MCCC2: variants seen among roughly 807,000 people sequenced by gnomAD.
MCCC2 encodes the protein methylcrotonoyl-CoA carboxylase beta chain, mitochondrial.
Under a neutral mutation model 77.2 loss-of-function variants are expected in MCCC2, and 52 were observed. The observed-to-expected ratio is 0.67, with a 90% confidence interval of 0.54 to 0.85. The LOEUF is 0.85. Ranked by LOEUF, MCCC2 falls within the 40% of genes least tolerant of loss-of-function variation. MCCC2 has a pLI of 0.00. For synonymous variants in MCCC2, 253 were observed against 248.4 expected (o/e 1.02, Z -0.18); for missense variants, 682 against 703.2 (o/e 0.97, Z 0.34).
intron 15 of MCCC2, among the ~76,000 whole-genome samples, chr5:71,652,404 T>C (rs1030109009): frequency 5.3e-5 from 8 of 152,234 alleles, no homozygotes; most frequent in African/African-American, 1.9e-4. Flanking sequence ...TGTACCTTGC[T>C]GTGATACACA....
In MCCC2 at chr5:71,587,420, G is replaced by C; in HGVS notation, c.-6G>C. 1 of 1,533,718 alleles carries C rather than the reference G, an allele frequency of 6.5e-7. No homozygotes were observed. The highest frequency in any genetic ancestry group is 8.7e-7 in the Non-Finnish European group (1 of 1,145,978). ...TGGGCCGCTCTCTCGCTCGGTGCCC[G>C]CCGCCATGTGGGCCGTCCTGAGGTT... On this transcript the variant is annotated 5_prime_UTR_variant, in exon 1 of 17. Transcript: ENST00000340941.
chr5:71,637,622 AG>A (rs1746975054), intron 10 of MCCC2, among the ~76,000 whole-genome samples: 1 of 152,244 alleles, frequency 6.6e-6, no homozygotes, highest in South Asian at 2.1e-4. Flanking sequence ...ATTTCTTAAA[AG>A]AAGACAACAA....
chr5:71,621,264 T>G (rs1344307289), intron 6 of MCCC2, among the ~76,000 whole-genome samples: 1 of 151,986 alleles, frequency 6.6e-6, no homozygotes, highest in Non-Finnish European at 1.5e-5. Context: ...CTCAGCTTCT[T>G]AGGATGCTGA....
chr5:71,588,268 CAAA>C (rs11309257), intron 1 of MCCC2, among the ~76,000 whole-genome samples: 38 of 100,634 alleles, frequency 3.8e-4, no homozygotes, highest in African/African-American at 9.7e-4. Flanking sequence ...AACTCTGTCT[CAAA>C]AAAAAAAAAA....
At position 71,598,071 on chromosome 5, in the gene MCCC2, CTT is replaced by C. The variant is rs541775693; in HGVS notation, c.282-1569_282-1568del. Among the ~76,000 whole-genome samples, 713 of 129,470 alleles carry C rather than the reference CTT, an allele frequency of 5.5e-3. 6 individuals carry two copies. Among genetic ancestry groups the C allele is most frequent in the African/African-American group, 0.019 (656 of 35,388 alleles). The allele number at this position is 129,470 out of a possible 152,430, so 84.9% of individuals were successfully genotyped here. On this transcript the variant is annotated intron_variant, in intron 3 of 16. Coordinates refer to ENST00000340941, the MANE Select transcript of MCCC2 (RefSeq NM_022132.5). The stretch of plus-strand genomic sequence containing the variant: ...CTAAGGAGGACATGAGTGAGTGTTT[CTT>C]TTTTTTTTTTTTTTTTTTGAGACGG...
intron 7 of MCCC2, among the ~76,000 whole-genome samples, chr5:71,627,380 T>C (rs1746568526): frequency 6.6e-6 from 1 of 152,230 alleles, no homozygotes; most frequent in African/African-American, 2.4e-5. Flanking sequence ...TTGGATCATA[T>C]GGAATTCTAT....
chr5:71,599,555 A>T, intron 3 of MCCC2, 104 bp from the exon 4 acceptor site: 1 of 860,356 alleles, frequency 1.2e-6, no homozygotes, highest in Non-Finnish European at 1.9e-6. Context: ...TGTATTTGAA[A>T]TATTGTCCCA....
intron 15 of MCCC2, among the ~76,000 whole-genome samples, chr5:71,650,741 C>T (rs889468223): frequency 2.0e-5 from 3 of 152,174 alleles, no homozygotes; most frequent in African/African-American, 4.8e-5. Flanking sequence ...CTCCGCCTCC[C>T]AGGTTCACGC....
chr5:71,612,458 T>C (rs1745992670), intron 6 of MCCC2, among the ~76,000 whole-genome samples: 1 of 152,250 alleles, frequency 6.6e-6, no homozygotes, highest in South Asian at 2.1e-4. Context: ...TTGCTTACTT[T>C]TGCACAGATG....
intron 6 of MCCC2, among the ~76,000 whole-genome samples, chr5:71,608,661 C>T (rs1745790072): frequency 6.6e-6 from 1 of 152,186 alleles, no homozygotes; most frequent in Non-Finnish European, 1.5e-5. Flanking sequence ...GATGCAGTTT[C>T]TTCCTAGTCT....
chr5:71,605,433 GT>G (rs1040897376), intron 6 of MCCC2, among the ~76,000 whole-genome samples: 4 of 151,902 alleles, frequency 2.6e-5, no homozygotes, highest in Admixed American at 2.0e-4. Flanking sequence ...GGGGTTGTTT[GT>G]TTTTTTCTTG....
rs1747106205 is a variant in MCCC2 at position 71,640,983 on chromosome 5, A to G, written c.1000-20A>G. 6.2e-7 allele frequency: 1 copy of G among 1,607,646 alleles called. No homozygotes were observed. The highest frequency in any genetic ancestry group is 1.7e-5 in the Admixed American group (1 of 59,984). ...TTTTGCAATATAATTTCTCAAGGCC[A>G]TTGTTGTTTTTCCTCTTAGGTCATT... On this transcript the variant is annotated intron_variant, in intron 10 of 16. Transcript: ENST00000340941.
chr5:71,604,952 G>A (rs1306657981), intron 6 of MCCC2, among the ~76,000 whole-genome samples: 2 of 143,608 alleles, frequency 1.4e-5, no homozygotes, highest in Non-Finnish European at 3.0e-5. Flanking sequence ...TGGTGTATAT[G>A]TGCCACATTT....
chr5:71,613,481 CTTATT>C (rs1746042334), intron 6 of MCCC2, among the ~76,000 whole-genome samples: 1 of 152,200 alleles, frequency 6.6e-6, no homozygotes, highest in Admixed American at 6.5e-5. Context: ...CTTCCTTTTA[CTTATT>C]TTATTTTTGT....
At chr5:71,610,800 C>T (rs528477540) in intron 6 of MCCC2, among the ~76,000 whole-genome samples, 30 of 151,224 alleles carry the variant, frequency 2.0e-4, no homozygotes, top group African/African-American at 5.3e-4. Context: ...TCCTGGCTAA[C>T]GCGGTGAAAC....
intron 10 of MCCC2, among the ~76,000 whole-genome samples, chr5:71,638,723 A>G (rs979481509): frequency 2.6e-5 from 4 of 152,048 alleles, no homozygotes; most frequent in African/African-American, 9.7e-5. Flanking sequence ...GTTTTACCAT[A>G]TTGGTCAGGC....
intron 6 of MCCC2, among the ~76,000 whole-genome samples, chr5:71,605,383 C>T (rs1276308604): frequency 3.3e-5 from 5 of 151,786 alleles, no homozygotes; most frequent in East Asian, 1.9e-4. Flanking sequence ...ATGTCTTCTT[C>T]TGAGAAGTGT....
At chr5:71,643,194 C>T (rs1747176925) in intron 11 of MCCC2, among the ~76,000 whole-genome samples, 1 of 152,054 alleles carries the variant, frequency 6.6e-6, no homozygotes, top group Non-Finnish European at 1.5e-5. Context: ...ACCAGCCTGG[C>T]AACATAGCGA....
intron 14 of MCCC2, 110 bp downstream of exon 14, chr5:71,649,363 A>C: frequency 9.6e-7 from 1 of 1,046,808 alleles, no homozygotes; most frequent in Non-Finnish European, 1.5e-6. Flanking sequence ...CCAGATCTCA[A>C]TCAATTATAC....
Sources: gnomAD v4.1 joint callset for allele counts (sites outside exome capture counted in the v4.1 genomes callset) on GRCh38, gnomAD v4.1.1 for gene constraint, MANE v1.5 for transcripts, NCBI Gene and HGNC (gene_info 2026-07-23, HGNC 2026-07-21) for gene names.